Variants in PHF5A observed in about 807,000 individuals in gnomAD.
PHF5A encodes the protein PHD finger-like domain-containing protein 5A.
For synonymous variants in PHF5A, 52 were observed against 46.0 expected, an observed-to-expected ratio of 1.13 and a Z score of -0.52; for missense variants, 24 against 140.6, an observed-to-expected ratio of 0.17 and a Z score of 4.19.
In PHF5A at chr22:41,466,159, C is replaced by T. The variant is rs192177471; in HGVS notation, c.243+1289G>A. ...AGGTACCATCATTAACCTAGTGAGA[C>T]TGTATCATACTTCCTTTTGTTTTTT... is the stretch of plus-strand genomic sequence containing the variant. On this transcript the variant is annotated intron_variant, in intron 3 of 3. Transcript: ENST00000216252. 3.0e-3 allele frequency among the ~76,000 whole-genome samples: 455 copies of T among 152,316 alleles called. 1 individual carries two copies. The highest frequency in any genetic ancestry group is 4.6e-3 in the Non-Finnish European group (315 of 68,038).
chr22:41,462,151 C>G (rs1378056528), intron 3 of PHF5A, among the ~76,000 whole-genome samples: 1 of 152,016 alleles, frequency 6.6e-6, no homozygotes, highest in Non-Finnish European at 1.5e-5. Context: ...TCAGTGAAGC[C>G]CCTGGGAAGC....
chr22:41,465,710 T>C (rs1220333362), intron 3 of PHF5A, among the ~76,000 whole-genome samples: 3 of 151,874 alleles, frequency 2.0e-5, no homozygotes, highest in African/African-American at 4.8e-5. Context: ...TGAAACCCCA[T>C]CTCTACTAAA....
At chr22:41,461,618 A>G (rs2037828323) in intron 3 of PHF5A, among the ~76,000 whole-genome samples, 1 of 151,766 alleles carries the variant, frequency 6.6e-6, no homozygotes, top group African/African-American at 2.4e-5. Flanking sequence ...TCAGCCTCCC[A>G]AAGTGCTAGG....
At chr22:41,467,035 A>G (rs899901533) in intron 3 of PHF5A, among the ~76,000 whole-genome samples, 1 of 62,850 alleles carries the variant, frequency 1.6e-5, no homozygotes, top group African/African-American at 6.3e-5. Flanking sequence ...AAAACAAAAC[A>G]CTTTTTTTTT....
chr22:41,465,467 G>A (rs944731769), intron 3 of PHF5A, among the ~76,000 whole-genome samples: 2 of 152,068 alleles, frequency 1.3e-5, no homozygotes, highest in Non-Finnish European at 2.9e-5. Context: ...CTGGCCCAAT[G>A]GTGTGGTCTT....
At chr22:41,466,945 T>A (rs941349999) in intron 3 of PHF5A, among the ~76,000 whole-genome samples, 2 of 151,570 alleles carry the variant, frequency 1.3e-5, no homozygotes, top group Non-Finnish European at 2.9e-5. Context: ...TTGCACATGA[T>A]CATGCCACTG....
At chr22:41,467,734 G>A (rs1007257098) in intron 2 of PHF5A, 120 bp from the exon 3 acceptor site, 12 of 1,194,534 alleles carry the variant, frequency 1.0e-5, no homozygotes, top group Non-Finnish European at 1.2e-5. Context: ...AGTGACTTTA[G>A]GGCCCTCCTC....
chr22:41,460,557 T>C, intron 3 of PHF5A, 70 bp from the exon 4 acceptor site: 2 of 1,323,320 alleles, frequency 1.5e-6, no homozygotes, highest in Non-Finnish European at 2.1e-6. Context: ...ATAAAAAATT[T>C]AAGCCCAGTG....
intron 3 of PHF5A, among the ~76,000 whole-genome samples, chr22:41,466,992 T>A (rs539985949): frequency 1.4e-5 from 2 of 144,692 alleles, no homozygotes; most frequent in African/African-American, 5.1e-5. Flanking sequence ...AGACCCCATC[T>A]CAAAAAAACA....
intron 3 of PHF5A, among the ~76,000 whole-genome samples, chr22:41,465,545 G>A (rs967281524): frequency 2.6e-5 from 4 of 152,062 alleles, no homozygotes; most frequent in South Asian, 2.1e-4. Flanking sequence ...AGGTACTGGC[G>A]TTACTGCCTT....
In PHF5A at chr22:41,465,639, C is replaced by T. The variant is rs182332352; in HGVS notation, c.243+1809G>A. Among the ~76,000 whole-genome samples the T allele has an allele frequency of 1.7e-3, 253 of 152,156 alleles. 3 individuals are homozygous for T. The highest frequency in any genetic ancestry group is 2.9e-3 in the South Asian group (14 of 4,818). ...GCTCACGCCTGTAATCCCAGCACTTCGGGAGGCCCAGATGGGTGGATCGCA... is the reference window on the plus strand; with the variant it reads ...GCTCACGCCTGTAATCCCAGCACTTTGGGAGGCCCAGATGGGTGGATCGCA... On this transcript the variant is annotated intron_variant, in intron 3 of 3. Coordinates refer to ENST00000216252, the MANE Select transcript of PHF5A (RefSeq NM_032758.4).
At chr22:41,467,986 T>A (rs2037884785) in intron 2 of PHF5A, 138 bp downstream of exon 2, 1 of 875,434 alleles carries the variant, frequency 1.1e-6, no homozygotes, top group Admixed American at 2.5e-5. Flanking sequence ...TAGAGGGGCC[T>A]TTGGCTAAAG....
intron 1 of PHF5A, 181 bp downstream of exon 1, chr22:41,468,421 C>T (rs2037892820): frequency 2.9e-6 from 2 of 691,938 alleles, no homozygotes; most frequent in African/African-American, 3.6e-5. Context: ...CCAGCACGCG[C>T]ACCCCCGCCC....
chr22:41,460,377 G>T lies in PHF5A; in HGVS notation c.*21C>A. 5 of 1,578,306 alleles carry T rather than the reference G, an allele frequency of 3.2e-6. No individual in the cohort carries two copies. The highest frequency in any genetic ancestry group is 4.3e-6 in the Non-Finnish European group (5 of 1,154,644). On this transcript the variant is annotated 3_prime_UTR_variant, in exon 4 of 4. Coordinates refer to ENST00000216252, the MANE Select transcript of PHF5A (RefSeq NM_032758.4). ...AGCTGCAGCAGACTGATGTTGGGGGGAGGAAGGGGCCACCCACCAATCACC... is the reference window on the plus strand; with the variant it reads ...AGCTGCAGCAGACTGATGTTGGGGGTAGGAAGGGGCCACCCACCAATCACC...
chr22:41,461,597 A>G (rs906152244), intron 3 of PHF5A, among the ~76,000 whole-genome samples: 3 of 151,836 alleles, frequency 2.0e-5, no homozygotes, highest in African/African-American at 7.3e-5. Flanking sequence ...AGCTCAGGCA[A>G]CCCGCCTGCC....
At chr22:41,466,834 A>C (rs1201360017) in intron 3 of PHF5A, among the ~76,000 whole-genome samples, 4 of 151,932 alleles carry the variant, frequency 2.6e-5, no homozygotes, top group Non-Finnish European at 5.9e-5. Context: ...CTACAAAAAA[A>C]ATTTAGCCAG....
intron 3 of PHF5A, among the ~76,000 whole-genome samples, chr22:41,461,404 T>C (rs2037826601): frequency 1.3e-5 from 2 of 151,688 alleles, no homozygotes; most frequent in South Asian, 4.2e-4. Context: ...TTTTTTTTTT[T>C]TTGAGAAGGA....
chr22:41,461,828 A>G (rs2037829936), intron 3 of PHF5A, among the ~76,000 whole-genome samples: 2 of 151,838 alleles, frequency 1.3e-5, no homozygotes, highest in South Asian at 2.1e-4. Flanking sequence ...ATGCCCAGCT[A>G]ATTTTTGTAT....
chr22:41,462,905 C>T (rs1169171862), intron 3 of PHF5A, among the ~76,000 whole-genome samples: 1 of 149,524 alleles, frequency 6.7e-6, no homozygotes, highest in Non-Finnish European at 1.5e-5. Flanking sequence ...GGTGAAGTCT[C>T]ATCTGTCGCT....
Sources: allele counts gnomAD v4.1 joint callset (sites outside exome capture counted in the v4.1 genomes callset), GRCh38; gene constraint gnomAD v4.1.1; transcripts MANE v1.5; gene names NCBI Gene and HGNC (gene_info 2026-07-23, HGNC 2026-07-21).